Variants in AGBL4 observed in about 807,000 individuals in gnomAD.
AGBL4 encodes cytosolic carboxypeptidase 6.
In AGBL4, 58 loss-of-function variants were observed where a neutral mutation model predicts 66.4. That is an observed-to-expected ratio of 0.87 (90% CI 0.71 to 1.09). The LOEUF is 1.09. AGBL4 is among the 50% of genes least tolerant of loss of function. The pLI is 0.00. For missense variants in AGBL4, 579 were observed against 631.0 expected (o/e 0.92, Z 0.88); for synonymous variants, 234 against 222.9 (o/e 1.05, Z -0.44).
At chr1:49,342,833 T>C (rs1164725227) in intron 3 of AGBL4, among the ~76,000 whole-genome samples, 1 of 152,196 alleles carries the variant, frequency 6.6e-6, no homozygotes, top group Admixed American at 6.5e-5. Flanking sequence ...CTAGATCTTA[T>C]AAAAACTGCT....
chr1:48,907,743 A>G (rs901236841), intron 5 of AGBL4, among the ~76,000 whole-genome samples: 2 of 152,168 alleles, frequency 1.3e-5, no homozygotes, highest in Non-Finnish European at 2.9e-5. Flanking sequence ...CAAGGTTAAA[A>G]TTCAGAGGGG....
intron 8 of AGBL4, among the ~76,000 whole-genome samples, chr1:48,650,801 G>A (rs1183981543): frequency 6.6e-6 from 1 of 152,148 alleles, no homozygotes; most frequent in African/African-American, 2.4e-5. Context: ...GAAACACTGA[G>A]TACTATTTCC....
At chr1:49,476,556 A>C (rs547418242) in intron 3 of AGBL4, among the ~76,000 whole-genome samples, 54 of 152,104 alleles carry the variant, frequency 3.6e-4, no homozygotes, top group Admixed American at 6.5e-4. Flanking sequence ...CTTAGGTCTA[A>C]AAGTACTTGA....
chr1:49,142,395 G>A (rs1024545732), intron 4 of AGBL4, among the ~76,000 whole-genome samples: 1 of 152,052 alleles, frequency 6.6e-6, no homozygotes, highest in Non-Finnish European at 1.5e-5. Context: ...ATGCATATTA[G>A]GCTTCCAATC....
At chr1:49,065,121 TAGAATGTGGTAGG>T (rs1444534482) in intron 4 of AGBL4, among the ~76,000 whole-genome samples, 2 of 152,120 alleles carry the variant, frequency 1.3e-5, no homozygotes, top group Non-Finnish European at 2.9e-5. Flanking sequence ...GAATAAGAAA[TAGAATGTGGTAGG>T]AGAGATGTGA....
At chr1:49,155,345 GA>G (rs1401162007) in intron 4 of AGBL4, among the ~76,000 whole-genome samples, 4 of 152,190 alleles carry the variant, frequency 2.6e-5, no homozygotes, top group African/African-American at 9.6e-5. Context: ...TACTAATAAT[GA>G]CAGTAATAGG....
chr1:48,744,979 T>A (rs1239225645), intron 6 of AGBL4, among the ~76,000 whole-genome samples: 1 of 127,486 alleles, frequency 7.8e-6, no homozygotes, highest in Non-Finnish European at 1.8e-5. Context: ...GAGGCTTGAT[T>A]GTCATCACTC....
At chr1:48,844,206 C>G (rs2148799755) in intron 6 of AGBL4, among the ~76,000 whole-genome samples, 1 of 152,288 alleles carries the variant, frequency 6.6e-6, no homozygotes, top group African/African-American at 2.4e-5. Flanking sequence ...TTAACATCTC[C>G]TCCTCTGCTT....
At chr1:49,548,745 G>A (rs922324162) in intron 3 of AGBL4, among the ~76,000 whole-genome samples, 3 of 151,978 alleles carry the variant, frequency 2.0e-5, no homozygotes, top group Non-Finnish European at 4.4e-5. Flanking sequence ...TTCTTTTTTG[G>A]TTAAGTCCTT....
chr1:49,493,866 A>G (rs1002730023), intron 3 of AGBL4, among the ~76,000 whole-genome samples: 3 of 152,016 alleles, frequency 2.0e-5, no homozygotes, highest in Non-Finnish European at 4.4e-5. Flanking sequence ...TTAGGCTGCC[A>G]TATCTCTTTT....
At chr1:48,929,090 T>C (rs1654824720) in intron 5 of AGBL4, among the ~76,000 whole-genome samples, 1 of 152,240 alleles carries the variant, frequency 6.6e-6, no homozygotes, top group African/African-American at 2.4e-5. Flanking sequence ...GATCCTTCTC[T>C]TGCCCTTTGG....
At chr1:49,982,063 G>A (rs777907860) in intron 1 of AGBL4, among the ~76,000 whole-genome samples, 1 of 152,146 alleles carries the variant, frequency 6.6e-6, no homozygotes, top group South Asian at 2.1e-4. Context: ...TGTCCACTAC[G>A]GGTATTTCTT....
intron 4 of AGBL4, among the ~76,000 whole-genome samples, chr1:49,220,579 T>A (rs560983459): frequency 2.4e-4 from 37 of 152,278 alleles, no homozygotes; most frequent in Admixed American, 4.6e-4. Flanking sequence ...TTCCACCTAT[T>A]GCCCACCACA....
rs116088995 is a variant in AGBL4, at chr1:48,792,112, T to C, written c.634+75079A>G. 4.8e-3 allele frequency among the ~76,000 whole-genome samples: 737 copies of C among 152,306 alleles called. 7 individuals are homozygous for C. Among genetic ancestry groups the C allele is most frequent in the Middle Eastern group, 0.017 (5 of 294 alleles). On this transcript the variant is annotated intron_variant, in intron 6 of 13. Transcript: ENST00000371839. ...CATTAGGCTGGGCCCTAGTTCAACA[T>C]GACTTGTGTCTTATAAGATGAGAAA...
intron 2 of AGBL4, among the ~76,000 whole-genome samples, chr1:49,743,396 G>A (rs1440060438): frequency 1.3e-5 from 2 of 152,124 alleles, no homozygotes; most frequent in African/African-American, 4.8e-5. Context: ...TAAAAAGTCA[G>A]GAAACAACAG....
At chr1:49,144,081 C>T (rs1337620450) in intron 4 of AGBL4, among the ~76,000 whole-genome samples, 1 of 152,206 alleles carries the variant, frequency 6.6e-6, no homozygotes, top group Non-Finnish European at 1.5e-5. Flanking sequence ...TATATCCTGT[C>T]TTAGCGCCTA....
At chr1:49,691,888 T>C (rs1221664925) in intron 3 of AGBL4, among the ~76,000 whole-genome samples, 1 of 152,150 alleles carries the variant, frequency 6.6e-6, no homozygotes, top group African/African-American at 2.4e-5. Context: ...TCCAAGTTCT[T>C]CAGTTTTGGA....
intron 6 of AGBL4, among the ~76,000 whole-genome samples, chr1:48,784,214 T>C (rs1363413352): frequency 6.6e-6 from 1 of 152,198 alleles, no homozygotes; most frequent in African/African-American, 2.4e-5. Context: ...CCTGACACTG[T>C]GGTGAGTTCT....
chr1:49,556,737 G>T (rs1434589136), intron 3 of AGBL4, among the ~76,000 whole-genome samples: 3 of 152,024 alleles, frequency 2.0e-5, no homozygotes, highest in Non-Finnish European at 4.4e-5. Context: ...CCGTCCATGG[G>T]ACCTGGGGCC....
Sources: allele counts gnomAD v4.1 joint callset (sites outside exome capture counted in the v4.1 genomes callset), GRCh38; gene constraint gnomAD v4.1.1; transcripts MANE v1.5; gene names NCBI Gene and HGNC (gene_info 2026-07-23, HGNC 2026-07-21).